Variants in PLCL1 observed in about 807,000 individuals in gnomAD.
The protein encoded by PLCL1 is inactive phospholipase C-like protein 1.
Under a neutral mutation model 84.4 loss-of-function variants are expected in PLCL1, and 41 were observed. The ratio of observed to expected loss-of-function variants is 0.49; its 90% CI spans 0.38 to 0.63. The LOEUF (loss-of-function observed/expected upper bound fraction) is 0.63, where lower values mean the gene tolerates loss of function less well. Ranked by LOEUF, PLCL1 falls within the 30% of genes least tolerant of loss-of-function variation. PLCL1 has a pLI of 0.00. For synonymous variants in PLCL1, 490 were observed against 488.3 expected (o/e 1.00, Z -0.05); for missense variants, 1,206 against 1,367.8 (o/e 0.88, Z 1.87).
intron 5 of PLCL1, among the ~76,000 whole-genome samples, chr2:198,135,384 C>T (rs1420883532): frequency 3.3e-5 from 5 of 152,106 alleles, no homozygotes; most frequent in African/African-American, 4.8e-5. Flanking sequence ...CTGTCCTATC[C>T]TATTAGTTCT....
intron 1 of PLCL1, among the ~76,000 whole-genome samples, chr2:198,035,331 G>A (rs888635843): frequency 6.6e-6 from 1 of 152,190 alleles, no homozygotes; most frequent in South Asian, 2.1e-4. Context: ...GGATAAAGAA[G>A]CAATGATAAT....
intron 1 of PLCL1, among the ~76,000 whole-genome samples, chr2:197,895,106 C>T (rs1003627869): frequency 6.6e-6 from 1 of 151,968 alleles, no homozygotes; most frequent in Admixed American, 6.6e-5. Context: ...ATTAAATACA[C>T]AGCAATTATG....
chr2:198,081,827 G>A (rs6434955), intron 1 of PLCL1, among the ~76,000 whole-genome samples: 33,445 of 152,026 alleles, frequency 0.22, 3,968 homozygotes, highest in African/African-American at 0.32. Context: ...GCAAGCTTCT[G>A]TAGGCAGAAC....
At chr2:198,095,230 C>CT (rs751031645) in intron 3 of PLCL1, among the ~76,000 whole-genome samples, 144 of 152,234 alleles carry the variant, frequency 9.5e-4, no homozygotes, top group Admixed American at 2.4e-3. Flanking sequence ...GATTCTTCTT[C>CT]TTTTTTGGCT....
At chr2:198,125,547 A>T (rs1693964975) in intron 5 of PLCL1, among the ~76,000 whole-genome samples, 1 of 152,134 alleles carries the variant, frequency 6.6e-6, no homozygotes, top group Non-Finnish European at 1.5e-5. Context: ...TTTTTTTTCA[A>T]GTACAAGAGA....
rs1343135821 is a variant in PLCL1 at position 198,148,953 on chromosome 2, C to T, written c.*1991C>T. 1 of 152,256 alleles carries T rather than the reference C, an allele frequency of 6.6e-6. No individual in the cohort carries two copies. Among genetic ancestry groups the T allele is most frequent in the Admixed American group, 6.6e-5 (1 of 15,262 alleles). 9.4% of individuals were successfully genotyped at this position (152,256 alleles called of 1,614,324 possible). ...CCAGAGCTCTACTCACACTTAGGAC[C>T]CACCCAAAAATTCTCAAAAACGTAA... On this transcript the variant is annotated 3_prime_UTR_variant, in exon 6 of 6. Coordinates refer to ENST00000428675, the MANE Select transcript of PLCL1 (RefSeq NM_006226.4).
At chr2:198,069,890 G>A (rs1362923779) in intron 1 of PLCL1, among the ~76,000 whole-genome samples, 1 of 152,124 alleles carries the variant, frequency 6.6e-6, no homozygotes, top group Admixed American at 6.5e-5. Flanking sequence ...GATTAGTTGA[G>A]TTCAGATAAG....
chr2:197,939,412 C>T (rs1400580755), intron 1 of PLCL1, among the ~76,000 whole-genome samples: 1 of 152,174 alleles, frequency 6.6e-6, no homozygotes, highest in African/African-American at 2.4e-5. Context: ...TAACAAAGTA[C>T]CACAGTCTGG....
intron 1 of PLCL1, among the ~76,000 whole-genome samples, chr2:198,067,925 T>A (rs1692358121): frequency 6.6e-6 from 1 of 152,244 alleles, no homozygotes; most frequent in African/African-American, 2.4e-5. Flanking sequence ...GTCATTCTCA[T>A]AGATAAGACT....
At chr2:197,868,405 C>T (rs1687586935) in intron 1 of PLCL1, among the ~76,000 whole-genome samples, 1 of 152,166 alleles carries the variant, frequency 6.6e-6, no homozygotes, top group South Asian at 2.1e-4. Context: ...AAGAGATATC[C>T]CAGTGTCTAT....
chr2:197,851,642 G>A (rs1418890395), intron 1 of PLCL1, among the ~76,000 whole-genome samples: 2 of 152,240 alleles, frequency 1.3e-5, no homozygotes, highest in South Asian at 2.1e-4. Context: ...GTGAAAAGCA[G>A]TAGAGACAGT....
chr2:198,082,388 G>T (rs1267551780), intron 1 of PLCL1, among the ~76,000 whole-genome samples: 1 of 151,926 alleles, frequency 6.6e-6, no homozygotes, highest in East Asian at 1.9e-4. Context: ...AGGTTGCATT[G>T]CACTGAAATC....
At chr2:197,859,634 G>T (rs1406864500) in intron 1 of PLCL1, among the ~76,000 whole-genome samples, 1 of 151,980 alleles carries the variant, frequency 6.6e-6, no homozygotes, top group Non-Finnish European at 1.5e-5. Context: ...GAGTTGTAGT[G>T]GTCATAAAGT....
At chr2:198,015,274 C>A (rs1016982524) in intron 1 of PLCL1, among the ~76,000 whole-genome samples, 7 of 151,896 alleles carry the variant, frequency 4.6e-5, no homozygotes, top group Non-Finnish European at 7.4e-5. Flanking sequence ...TAGTGGGACC[C>A]CACAAGCATA....
chr2:198,105,062 T>G (rs1455814239), intron 5 of PLCL1, among the ~76,000 whole-genome samples: 1 of 152,098 alleles, frequency 6.6e-6, no homozygotes, highest in Non-Finnish European at 1.5e-5. Flanking sequence ...TGTAATTGCT[T>G]TTGGTGTCTT....
intron 1 of PLCL1, among the ~76,000 whole-genome samples, chr2:197,849,435 ATG>A (rs1687184092): frequency 1.3e-5 from 2 of 152,032 alleles, no homozygotes; most frequent in Admixed American, 1.3e-4. Context: ...GTGTGCGTGC[ATG>A]TGTGTGTTTG....
intron 5 of PLCL1, among the ~76,000 whole-genome samples, chr2:198,110,344 G>T (rs1693586830): frequency 6.6e-6 from 1 of 151,894 alleles, no homozygotes; most frequent in Admixed American, 6.6e-5. Flanking sequence ...TCCGTGGGAA[G>T]AGCAGAGATT....
intron 1 of PLCL1, among the ~76,000 whole-genome samples, chr2:197,888,954 A>G (rs1687967330): frequency 6.6e-6 from 1 of 152,166 alleles, no homozygotes; most frequent in African/African-American, 2.4e-5. Flanking sequence ...GCTAAATCTT[A>G]TTTCCTTTTT....
At chr2:198,104,996 T>C (rs1490576009) in intron 5 of PLCL1, among the ~76,000 whole-genome samples, 1 of 152,226 alleles carries the variant, frequency 6.6e-6, no homozygotes, top group East Asian at 1.9e-4. Flanking sequence ...CTTGATAGTT[T>C]CTTTTGCTGT....
Sources: gnomAD v4.1 joint callset for allele counts (sites outside exome capture counted in the v4.1 genomes callset) on GRCh38, gnomAD v4.1.1 for gene constraint, MANE v1.5 for transcripts, NCBI Gene and HGNC (gene_info 2026-07-23, HGNC 2026-07-21) for gene names.